Variants in RILPL1 observed in about 807,000 individuals in gnomAD.
RILPL1 encodes the protein RILP-like protein 1.
A neutral mutation model predicts 50.3 loss-of-function variants in RILPL1; 33 were observed. That is an observed-to-expected ratio of 0.66 (90% CI 0.50 to 0.88). The LOEUF is 0.88. Ranked by LOEUF, RILPL1 falls within the 40% of genes least tolerant of loss-of-function variation. The probability of loss-of-function intolerance (pLI) is 0.00; values close to 1 mark genes in which losing one functional copy is unlikely to be tolerated. For synonymous variants in RILPL1, 205 were observed against 228.6 expected, an observed-to-expected ratio of 0.90 and a Z score of 0.93; for missense variants, 418 against 542.5, an observed-to-expected ratio of 0.77 and a Z score of 2.28.
Position 123,498,560 on chromosome 12 carries a change from C to A in RILPL1, c.785G>T (p.Gly262Val). ...CCTGCTCACCTCAGGCTCCTCCTCC[C>A]CATTCTGGCTGTGCTCCCCCTGCAG... Reference protein sequence around the residue: ...ERLQGEHSQNGEEEPETEPVG... With the variant: ...ERLQGEHSQNVEEEPETEPVG... Residue 262 changes from glycine (G) to valine (V), a missense_variant, in exon 4 of 7, where the codon GGG becomes GTG. Transcript: ENST00000376874. This position sits in a 1 kb window ranked among gnomAD's most constrained non-coding sequence, Gnocchi z 4.3. 6.2e-7 allele frequency: 1 copy of A among 1,613,502 alleles called. No homozygotes were observed. The highest frequency in any genetic ancestry group is 8.5e-7 in the Non-Finnish European group (1 of 1,179,840).
At chr12:123,515,433 A>G (rs1884628023) in intron 2 of RILPL1, 1 of 151,234 alleles carries the variant, frequency 6.6e-6, no homozygotes, top group Admixed American at 6.6e-5. Context: ...GAGTGAATAT[A>G]TACTACAGTG....
At chr12:123,500,876 G>A (rs997452306) in intron 2 of RILPL1, among the ~76,000 whole-genome samples, 2 of 151,182 alleles carry the variant, frequency 1.3e-5, no homozygotes, top group Non-Finnish European at 3.0e-5. Flanking sequence ...AGGCTGAGGC[G>A]GTTGGATCAC....
chr12:123,500,802 G>C (rs1322574417), intron 2 of RILPL1, among the ~76,000 whole-genome samples: 4 of 152,070 alleles, frequency 2.6e-5, no homozygotes, highest in African/African-American at 9.7e-5. Flanking sequence ...AACAGAGAAA[G>C]GTTCTCTAAA....
rs1184024685 is a variant in RILPL1, at chr12:123,485,589, C to CA, written c.974+43dup. ...ACTGTACAGAAACTCTGGCTAACCT[C>CA]AGTAAGGAGCCAGCTCGGGCCATCC... is the stretch of plus-strand genomic sequence containing the variant. On this transcript the variant is annotated intron_variant, in intron 5 of 6. Transcript: ENST00000376874. This position sits in a 1 kb window ranked among gnomAD's most constrained non-coding sequence, Gnocchi z 4.0. 6.3e-7 allele frequency: 1 copy of CA among 1,585,758 alleles called. No homozygotes were observed. The highest frequency in any genetic ancestry group is 1.8e-5 in the Admixed American group (1 of 55,594).
intron 2 of RILPL1, among the ~76,000 whole-genome samples, chr12:123,508,795 G>C (rs1346998935): frequency 6.6e-6 from 1 of 152,026 alleles, no homozygotes; most frequent in Non-Finnish European, 1.5e-5. Flanking sequence ...CTTGAGCCCA[G>C]GAATTACAGG....
intron 2 of RILPL1, among the ~76,000 whole-genome samples, chr12:123,501,356 G>C (rs1192317048): frequency 1.3e-5 from 2 of 151,862 alleles, no homozygotes; most frequent in Non-Finnish European, 2.9e-5. Flanking sequence ...GACGAGGGAG[G>C]AACACTTGAG....
chr12:123,500,560 C>T (rs1043730971), intron 2 of RILPL1, among the ~76,000 whole-genome samples: 5 of 152,106 alleles, frequency 3.3e-5, no homozygotes, highest in Non-Finnish European at 7.4e-5. Context: ...GCTGGGATTA[C>T]AGGCGTGAGC....
rs751276939 is a variant in RILPL1, at chr12:123,499,442, G to T, written c.555C>A (p.Gly185=). Residue 185 remains glycine (G), a synonymous_variant, in exon 3 of 7, where the codon GGC becomes GGA. Coordinates refer to ENST00000376874, the MANE Select transcript of RILPL1 (RefSeq NM_178314.5). ...DEIRAKDREL[G]LKNEDVEALQ... ...CAGCCTCAACGTCCTCATTTTTCAG[G>T]CCCAGCTCCCTGTCCTTGGCGCGGA... 7.2e-5 allele frequency: 116 copies of T among 1,613,660 alleles called. No homozygotes were observed. Among genetic ancestry groups the T allele is most frequent in the Non-Finnish European group, 9.5e-5 (112 of 1,179,746 alleles).
In RILPL1 at chr12:123,533,428, C is replaced by T. The variant is rs761756146; in HGVS notation, c.55G>A (p.Val19Met). 1 of 1,540,568 alleles carries T rather than the reference C, an allele frequency of 6.5e-7. No homozygotes were observed. Among genetic ancestry groups the T allele is most frequent in the Non-Finnish European group, 8.8e-7 (1 of 1,141,698 alleles). Reference protein sequence around the residue: ...LAAESALEKNVAELTVMDVYD... With the variant: ...LAAESALEKNMAELTVMDVYD... The stretch of plus-strand genomic sequence containing the variant: ...ACGTCCATGACGGTCAGCTCGGCCA[C>T]GTTCTTCTCCAGCGCCGACTCGGCC... The change falls in exon 1 of 7, where the codon GTG (valine) becomes ATG (methionine). Residue 19 changes from valine (V) to methionine (M), a missense_variant. By Grantham distance (21) the Val-to-Met change is conservative (BLOSUM62 1). Transcript: ENST00000376874. The surrounding 1 kb of genome is among the most constrained non-coding windows in gnomAD (Gnocchi z 6.2).
At chr12:123,499,389 T>A (rs757147229) in intron 3 of RILPL1, 29 bp downstream of exon 3, 1 of 1,497,328 alleles carries the variant, frequency 6.7e-7, no homozygotes, top group Admixed American at 1.8e-5. Context: ...GCTGGGAGGG[T>A]GGACGCAGGT....
chr12:123,530,748 G>A (rs968729741), intron 1 of RILPL1, among the ~76,000 whole-genome samples: 1 of 152,162 alleles, frequency 6.6e-6, no homozygotes, highest in Admixed American at 6.6e-5. Flanking sequence ...CCTGTTACCC[G>A]CCTGCTGCCT....
chr12:123,505,043 T>A (rs1224764245), intron 2 of RILPL1, among the ~76,000 whole-genome samples: 1 of 151,946 alleles, frequency 6.6e-6, no homozygotes, highest in African/African-American at 2.4e-5. Context: ...TTTTTTGTTT[T>A]TTTTTTTATT....
chr12:123,500,273 C>CCTTA (rs1254236960), intron 2 of RILPL1, among the ~76,000 whole-genome samples: 4 of 145,116 alleles, frequency 2.8e-5, no homozygotes, highest in African/African-American at 7.7e-5. Flanking sequence ...CCTATGTGTC[C>CCTTA]CTTTCTTTTT....
intron 1 of RILPL1, among the ~76,000 whole-genome samples, chr12:123,524,456 C>T (rs1885177300): frequency 6.6e-6 from 1 of 152,138 alleles, no homozygotes; most frequent in South Asian, 2.1e-4. Flanking sequence ...GAGGTATGAA[C>T]ACAATGTCCA....
intron 6 of RILPL1, among the ~76,000 whole-genome samples, chr12:123,477,292 AGAGTAGCTAGGAGTTAG>A (rs146427752): frequency 0.018 from 2,795 of 151,612 alleles, 68 homozygotes; most frequent in African/African-American, 0.06. Context: ...TGTGCTTCAC[AGAGTAGCTAGGAGTTAG>A]GAGTTGGTAT....
chr12:123,496,004 C>T (rs1883009263), intron 4 of RILPL1, among the ~76,000 whole-genome samples: 1 of 151,166 alleles, frequency 6.6e-6, no homozygotes, highest in Admixed American at 6.6e-5. Context: ...CTTAACCACT[C>T]CTTTTTTTTT....
At chr12:123,484,102 G>C in intron 6 of RILPL1, 78 bp downstream of exon 6, 2 of 895,800 alleles carry the variant, frequency 2.2e-6, no homozygotes, top group Non-Finnish European at 3.5e-6. Flanking sequence ...CCTGGGAGCA[G>C]GTGCCAAGGA....
At chr12:123,493,363 A>G (rs962136394) in intron 4 of RILPL1, among the ~76,000 whole-genome samples, 4 of 152,194 alleles carry the variant, frequency 2.6e-5, no homozygotes, top group African/African-American at 9.7e-5. Flanking sequence ...TGACCCTGAC[A>G]CATCCCCCTC....
chr12:123,525,675 T>C (rs1593608154), intron 1 of RILPL1, among the ~76,000 whole-genome samples: 1 of 121,286 alleles, frequency 8.2e-6, no homozygotes, highest in Non-Finnish European at 1.6e-5. Context: ...CACTCCAGCC[T>C]GGGTGACAGA....
Sources: allele counts gnomAD v4.1 joint callset (sites outside exome capture counted in the v4.1 genomes callset), GRCh38; gene constraint gnomAD v4.1.1; non-coding constraint Gnocchi (gnomAD v3.1); transcripts MANE v1.5; gene names NCBI Gene and HGNC (gene_info 2026-07-23, HGNC 2026-07-21).